SCAI: variants seen among roughly 807,000 people sequenced by gnomAD.
SCAI encodes protein SCAI.
SCAI carries 24 observed loss-of-function variants against 92.2 expected under a neutral mutation model. The ratio of observed to expected loss-of-function variants is 0.26; its 90% CI spans 0.19 to 0.37. The LOEUF is 0.37. Ranked by LOEUF, SCAI falls within the 10% of genes least tolerant of loss-of-function variation. The pLI is 1.00. For synonymous variants in SCAI, 261 were observed against 258.6 expected, an observed-to-expected ratio of 1.01 and a Z score of -0.09; for missense variants, 450 against 736.2, an observed-to-expected ratio of 0.61 and a Z score of 4.50.
In SCAI at chr9:125,143,519, G is replaced by A. The variant is rs1835726710; in HGVS notation, c.-82C>T. The A allele has an allele frequency of 2.5e-6, 3 of 1,212,602 alleles. No homozygotes were observed. The highest frequency in any genetic ancestry group is 3.2e-6 in the Non-Finnish European group (3 of 947,970). The allele number at this position is 1,212,602 out of a possible 1,614,324, so 75.1% of individuals were successfully genotyped here. On this transcript the variant is annotated 5_prime_UTR_variant, in exon 1 of 18. Transcript: ENST00000336505. The stretch of plus-strand genomic sequence containing the variant: ...GCTGAGGCGGCGGAGGCTGGAGTAG[G>A]CGGAGAGGCGGGAGGAGGGCCTCGC...
intron 2 of SCAI, among the ~76,000 whole-genome samples, chr9:125,057,362 G>C (rs1833690761): frequency 6.6e-6 from 1 of 152,140 alleles, no homozygotes; most frequent in East Asian, 1.9e-4. Context: ...AGCTTACACA[G>C]GAGGAGAGAA....
chr9:125,122,667 G>A (rs1835179324), intron 2 of SCAI, among the ~76,000 whole-genome samples: 1 of 151,794 alleles, frequency 6.6e-6, no homozygotes, highest in Non-Finnish European at 1.5e-5. Flanking sequence ...CACTTTGGGA[G>A]GCCGAGGCGG....
Position 124,952,536 on chromosome 9 carries a change from G to T in SCAI, c.*271C>A. The T allele has an allele frequency of 3.3e-6, 1 of 305,416 alleles. No individual in the cohort carries two copies. The allele number at this position is 305,416 out of a possible 1,614,324, so 18.9% of individuals were successfully genotyped here. A position where few individuals can be genotyped will look rare whatever the true frequency, so the allele number is the denominator to read the frequency against. ...CTCAGGGTGAGAATAGTGACTATTT[G>T]AGTGTAGGATTAGAAGTTGGAGGTA... is the stretch of plus-strand genomic sequence containing the variant. On this transcript the variant is annotated 3_prime_UTR_variant, in exon 18 of 18. Coordinates refer to ENST00000336505, the MANE Select transcript of SCAI (RefSeq NM_001144877.3).
chr9:125,028,123 G>A (rs985147903), intron 5 of SCAI, among the ~76,000 whole-genome samples: 3 of 152,064 alleles, frequency 2.0e-5, no homozygotes, highest in East Asian at 1.9e-4. Context: ...AGTATTAATC[G>A]TTTATCTAAA....
intron 15 of SCAI, among the ~76,000 whole-genome samples, chr9:124,972,700 T>C (rs1831683528): frequency 6.6e-6 from 1 of 152,198 alleles, no homozygotes; most frequent in African/African-American, 2.4e-5. Context: ...TCTACAAATA[T>C]GCTTCTCATC....
intron 14 of SCAI, among the ~76,000 whole-genome samples, chr9:124,985,482 A>C (rs891619401): frequency 2.1e-4 from 32 of 152,292 alleles, no homozygotes; most frequent in African/African-American, 7.2e-4. Context: ...TTTAAGAAGA[A>C]GAAGAAGAAA....
At chr9:125,034,464 A>G (rs895389660) in intron 3 of SCAI, among the ~76,000 whole-genome samples, 1 of 152,186 alleles carries the variant, frequency 6.6e-6, no homozygotes, top group African/African-American at 2.4e-5. Context: ...GGCAGGGTAC[A>G]GCAGTTCATG....
chr9:125,118,715 A>C (rs1292863307), intron 2 of SCAI, among the ~76,000 whole-genome samples: 2 of 151,714 alleles, frequency 1.3e-5, no homozygotes, highest in African/African-American at 4.8e-5. Context: ...CCCCCACCCC[A>C]CATGGCCTCG....
chr9:125,090,542 C>G (rs907242230), intron 2 of SCAI, among the ~76,000 whole-genome samples: 1 of 152,134 alleles, frequency 6.6e-6, no homozygotes, highest in African/African-American at 2.4e-5. Context: ...TTAACAACAG[C>G]CTAATGGGCT....
chr9:124,981,654 ATTT>A (rs747802866), intron 14 of SCAI, among the ~76,000 whole-genome samples: 1 of 145,666 alleles, frequency 6.9e-6, no homozygotes, highest in Non-Finnish European at 1.5e-5. Flanking sequence ...ATAGTATTAA[ATTT>A]TTTTTTTTTT....
intron 2 of SCAI, among the ~76,000 whole-genome samples, chr9:125,095,351 A>C (rs2131203262): frequency 6.6e-6 from 1 of 152,348 alleles, no homozygotes; most frequent in Admixed American, 6.5e-5. Flanking sequence ...AACATTCTGC[A>C]CATTAAGTTG....
Position 124,976,778 on chromosome 9 carries a change from C to T in SCAI, c.1327-592G>A, listed in dbSNP as rs80058832. Among the ~76,000 whole-genome samples the T allele has an allele frequency of 3.5e-3, 528 of 152,194 alleles. 1 individual carries two copies. Among genetic ancestry groups the T allele is most frequent in the African/African-American group, 0.012 (496 of 41,522 alleles). On this transcript the variant is annotated intron_variant, in intron 14 of 17. Coordinates refer to ENST00000336505, the MANE Select transcript of SCAI (RefSeq NM_001144877.3). ...GTAAAGCAACAAGAAAAATAAAACT[C>T]CTAGGAGTAAACTTAAAAAGAAATA...
At chr9:125,104,066 T>C (rs1834728647) in intron 2 of SCAI, among the ~76,000 whole-genome samples, 1 of 152,168 alleles carries the variant, frequency 6.6e-6, no homozygotes, top group African/African-American at 2.4e-5. Flanking sequence ...TAGTTGGTAA[T>C]ATGCATCCTA....
intron 2 of SCAI, among the ~76,000 whole-genome samples, chr9:125,121,802 G>A (rs1377731865): frequency 3.3e-5 from 5 of 151,882 alleles, no homozygotes; most frequent in Admixed American, 6.6e-5. Context: ...GCAATGAGCC[G>A]GGAGATCATG....
At chr9:124,999,851 G>T (rs368741060) in intron 13 of SCAI, 40 bp downstream of exon 13, 2 of 992,072 alleles carry the variant, frequency 2.0e-6, no homozygotes, top group African/African-American at 1.7e-5. Flanking sequence ...ATAGACAGAG[G>T]TATAATTTTT....
chr9:125,097,994 T>C (rs1834595655), intron 2 of SCAI, among the ~76,000 whole-genome samples: 1 of 151,410 alleles, frequency 6.6e-6, no homozygotes, highest in African/African-American at 2.4e-5. Context: ...TATATAAGAA[T>C]ATATATATGT....
At chr9:124,958,880 C>T (rs1831374659) in intron 17 of SCAI, among the ~76,000 whole-genome samples, 1 of 81,984 alleles carries the variant, frequency 1.2e-5, no homozygotes, top group South Asian at 4.4e-4. Context: ...GCACTCCAGC[C>T]TGGGTGAGAG....
intron 2 of SCAI, among the ~76,000 whole-genome samples, chr9:125,056,471 CAAAGAAAA>C (rs997284535): frequency 2.0e-5 from 3 of 151,694 alleles, no homozygotes; most frequent in African/African-American, 7.3e-5. Flanking sequence ...TCTCAAAAAA[CAAAGAAAA>C]AAAGAAAGAA....
chr9:125,072,594 A>C (rs1040498960), intron 2 of SCAI, among the ~76,000 whole-genome samples: 1 of 152,162 alleles, frequency 6.6e-6, no homozygotes, highest in Non-Finnish European at 1.5e-5. Flanking sequence ...AGTGGTATTG[A>C]ATACATCCAT....
Sources: gnomAD v4.1 joint callset for allele counts (sites outside exome capture counted in the v4.1 genomes callset) on GRCh38, gnomAD v4.1.1 for gene constraint, MANE v1.5 for transcripts, NCBI Gene and HGNC (gene_info 2026-07-23, HGNC 2026-07-21) for gene names.